The following TRPM1 variants were observed in gnomAD, a reference collection of about 807,000 sequenced individuals.
TRPM1 encodes TRPM1-203 APA Isoform, Intron 10.
Under a neutral mutation model 149.4 loss-of-function variants are expected in TRPM1, and 113 were observed. The ratio of observed to expected loss-of-function variants is 0.76; its 90% confidence interval spans 0.65 to 0.88. The LOEUF is 0.88. Ranked by LOEUF, TRPM1 falls within the 40% of genes least tolerant of loss-of-function variation. TRPM1 has a pLI of 0.00. For synonymous variants in TRPM1, 741 were observed against 759.5 expected (o/e 0.98, Z 0.40); for missense variants, 1,976 against 2,038.7 (o/e 0.97, Z 0.59).
At position 31,001,216 on chromosome 15, in the gene TRPM1, C is replaced by T. The variant is rs1310710588; in HGVS notation, c.*606G>A. 6.6e-6 allele frequency: 1 copy of T among 152,174 alleles called. No homozygotes were observed. Among genetic ancestry groups the T allele is most frequent in the East Asian group, 1.9e-4 (1 of 5,206 alleles). 9.4% of individuals were successfully genotyped at this position (152,174 alleles called of 1,614,324 possible). On this transcript the variant is annotated 3_prime_UTR_variant, in exon 28 of 28. Transcript: ENST00000256552. ...ACAGAAAACAAAGACCCCATAAAAA[C>T]ATATTTGTGGCTCCTTCCCACTTAT...
At chr15:31,053,419 T>TC (rs2034002085) in intron 11 of TRPM1, among the ~76,000 whole-genome samples, 1 of 150,226 alleles carries the variant, frequency 6.7e-6, no homozygotes, top group East Asian at 1.9e-4. Context: ...CCCGGCTCAT[T>TC]TTTTTTTTTT....
In TRPM1 at chr15:31,158,334, G is replaced by C. The variant is rs192410650; in HGVS notation, c.54+2572C>G. Among the ~76,000 whole-genome samples, 3 of 152,150 alleles carry C rather than the reference G, an allele frequency of 2.0e-5. No individual in the cohort carries two copies. The East Asian group carries it at 5.8e-4, about 29-fold the overall frequency. ...TGCAAAGTAAAAGCAAGTTTATTAA[G>C]AGAGTAAAGTAGGCTGGGCTCGGTG... On this transcript the variant is annotated intron_variant, in intron 1 of 26. Coordinates refer to the TRPM1 transcript ENST00000542188.
At chr15:31,151,398 G>T (rs1338449562) in intron 1 of TRPM1, among the ~76,000 whole-genome samples, 1 of 152,154 alleles carries the variant, frequency 6.6e-6, no homozygotes, top group African/African-American at 2.4e-5. Context: ...GTCCTCCCTG[G>T]AGTTCACAGG....
At chr15:31,041,439 C>G (rs150025230) in intron 17 of TRPM1, among the ~76,000 whole-genome samples, 1 of 152,152 alleles carries the variant, frequency 6.6e-6, no homozygotes, top group Non-Finnish European at 1.5e-5. Flanking sequence ...CATGAGCCAC[C>G]GTGCCCGGCC....
At chr15:31,160,411 G>T (rs1045246614) in intron 1 of TRPM1, among the ~76,000 whole-genome samples, 1 of 152,270 alleles carries the variant, frequency 6.6e-6, no homozygotes, top group Non-Finnish European at 1.5e-5. Context: ...CCTCCCTCCT[G>T]TTAGATGCTG....
chr15:31,101,508 G>A (rs1455634489), intron 1 of TRPM1, 149 bp downstream of exon 1: 3 of 299,200 alleles, frequency 1.0e-5, no homozygotes, highest in Non-Finnish European at 1.5e-5. Flanking sequence ...TTGCACCTGA[G>A]CCTACCTGCA....
At chr15:31,088,649 C>G (rs1330547221) in intron 1 of TRPM1, among the ~76,000 whole-genome samples, 1 of 152,186 alleles carries the variant, frequency 6.6e-6, no homozygotes, top group African/African-American at 2.4e-5. Flanking sequence ...GCGGACATGC[C>G]ACACTCACGG....
intron 25 of TRPM1, among the ~76,000 whole-genome samples, chr15:31,027,631 G>A (rs923989156): frequency 9.2e-5 from 14 of 152,046 alleles, no homozygotes; most frequent in South Asian, 8.3e-4. Flanking sequence ...ACCAATACTG[G>A]GACCTTAGGA....
chr15:31,069,560 G>A (rs919242303), intron 4 of TRPM1: 34 of 1,201,342 alleles, frequency 2.8e-5, no homozygotes, highest in Non-Finnish European at 3.4e-5. Context: ...AAGGGCAGAG[G>A]GCACTCCCTG....
intron 27 of TRPM1, among the ~76,000 whole-genome samples, chr15:31,021,421 C>T (rs1042117195): frequency 6.6e-6 from 1 of 152,158 alleles, no homozygotes; most frequent in African/African-American, 2.4e-5. Context: ...CAGGATGGGG[C>T]ATGATGTCTC....
At chr15:31,119,115 C>T (rs939237952) in intron 1 of TRPM1, among the ~76,000 whole-genome samples, 10 of 152,044 alleles carry the variant, frequency 6.6e-5, no homozygotes, top group African/African-American at 2.4e-4. Context: ...GTGGTGCATG[C>T]CTGTAATCCC....
chr15:31,071,979 ACATATATATATAT>A lies in TRPM1; in HGVS notation c.84-1766_84-1754del, dbSNP rs1159054993. Among the ~76,000 whole-genome samples the A allele has an allele frequency of 5.4e-3, 448 of 83,576 alleles. 17 individuals carry two copies. The highest frequency in any genetic ancestry group is 0.022 in the African/African-American group (399 of 17,868). The allele number at this position is 83,576 out of a possible 152,430, so 54.8% of individuals were successfully genotyped here. A position where few individuals can be genotyped will look rare whatever the true frequency, so the allele number is the denominator to read the frequency against. ...ACTCCGTCTCAAAAAAAAAAAAAAAACATATATATATATATATATATATATATATATATATATA... is the reference window on the plus strand; with the variant it reads ...ACTCCGTCTCAAAAAAAAAAAAAAAAATATATATATATATATATATATATA... On this transcript the variant is annotated intron_variant, in intron 3 of 27. Transcript: ENST00000256552.
At position 31,074,830 on chromosome 15, in the gene TRPM1, G is replaced by A. The variant is rs151335311; in HGVS notation, c.83+2075C>T. On this transcript the variant is annotated intron_variant, in intron 3 of 27. Coordinates refer to ENST00000256552, the MANE Select transcript of TRPM1 (RefSeq NM_001252024.2). The stretch of plus-strand genomic sequence containing the variant: ...TTTACAGGTATAAATTTCCCTGTCC[G>A]TACTACTTTACCTGCATCCCCTAAG... 5.3e-3 allele frequency among the ~76,000 whole-genome samples: 812 copies of A among 152,066 alleles called. 10 individuals are homozygous for A. The highest frequency in any genetic ancestry group is 0.018 in the African/African-American group (765 of 41,492).
intron 4 of TRPM1, chr15:31,069,527 C>G: frequency 1.8e-5 from 21 of 1,137,584 alleles, no homozygotes; most frequent in Non-Finnish European, 2.3e-5. Flanking sequence ...TGAAGCCTCC[C>G]CCACGCTGGC....
intron 1 of TRPM1, among the ~76,000 whole-genome samples, chr15:31,099,767 T>G (rs898867584): frequency 1.3e-5 from 2 of 152,136 alleles, no homozygotes; most frequent in Admixed American, 1.3e-4. Context: ...GGCTAAAAAA[T>G]ACACTGCAGA....
At chr15:31,047,299 G>A in intron 14 of TRPM1, 48 bp from the exon 15 acceptor site, 1 of 1,612,348 alleles carries the variant, frequency 6.2e-7, no homozygotes, top group Non-Finnish European at 8.5e-7. Flanking sequence ...CGTTCGCAGT[G>A]TGGACTTCAT....
rs549965854 is a variant in TRPM1 at position 31,112,417 on chromosome 15, G to A, written c.55-35433C>T. Among the ~76,000 whole-genome samples, 21 of 152,312 alleles carry A rather than the reference G, an allele frequency of 1.4e-4. No individual in the cohort carries two copies. The South Asian group carries it at 4.4e-3, about 32-fold the overall frequency. ...TGCTTGAACCTGGGAGGTGGAGGTT[G>A]TGGTGAGCCGAGATCGTGCCACTGC... On this transcript the variant is annotated intron_variant, in intron 1 of 26. Transcript: ENST00000542188.
intron 3 of TRPM1, among the ~76,000 whole-genome samples, chr15:31,070,812 C>T (rs1227728224): frequency 6.6e-6 from 1 of 152,184 alleles, no homozygotes; most frequent in South Asian, 2.1e-4. Context: ...GCCTTGGCCT[C>T]CCAAAGTTCT....
intron 27 of TRPM1, among the ~76,000 whole-genome samples, chr15:31,016,640 C>T (rs971701011): frequency 2.0e-5 from 3 of 152,160 alleles, no homozygotes; most frequent in African/African-American, 7.2e-5. Context: ...GAGGGCCACT[C>T]TCCATCCTTT....
Sources: allele counts gnomAD v4.1 joint callset (sites outside exome capture counted in the v4.1 genomes callset), GRCh38; gene constraint gnomAD v4.1.1; transcripts MANE v1.5; gene names NCBI Gene and HGNC (gene_info 2026-07-23, HGNC 2026-07-21).